The following GRSF1 variants were observed in gnomAD, a reference collection of about 807,000 sequenced individuals.
GRSF1 encodes G-rich sequence factor 1.
GRSF1 carries 50 observed loss-of-function variants against 51.1 expected under a neutral mutation model. That is an observed-to-expected ratio of 0.98 (90% confidence interval 0.78 to 1.24). The LOEUF (loss-of-function observed/expected upper bound fraction) is 1.24, where lower values mean the gene tolerates loss of function less well. GRSF1 is among the 50% of genes most tolerant of loss of function. The probability of loss-of-function intolerance (pLI) is 0.00; values close to 1 mark genes in which losing one functional copy is unlikely to be tolerated. For missense variants in GRSF1, 700 were observed against 639.7 expected, an observed-to-expected ratio of 1.09 and a Z score of -1.02; for synonymous variants, 293 against 253.3, an observed-to-expected ratio of 1.16 and a Z score of -1.49.
Position 70,819,744 on chromosome 4 carries a change from G to A in GRSF1, c.*1143C>T, listed in dbSNP as rs1356067087. On this transcript the variant is annotated 3_prime_UTR_variant, in exon 10 of 10. Coordinates refer to ENST00000254799, the MANE Select transcript of GRSF1 (RefSeq NM_002092.4). ...TGAGAACAGGAACAAGGCAAAGAAA[G>A]CATACAGGATTTTGATTCTCCTACA... 6.6e-6 allele frequency: 1 copy of A among 152,578 alleles called. No homozygotes were observed. Among genetic ancestry groups the A allele is most frequent in the Non-Finnish European group, 1.5e-5 (1 of 68,022 alleles). The allele number at this position is 152,578 out of a possible 1,614,324, so 9.5% of individuals were successfully genotyped here. A position where few individuals can be genotyped will look rare whatever the true frequency, so the allele number is the denominator to read the frequency against.
At position 70,827,882 on chromosome 4, in the gene GRSF1, T is replaced by A; in HGVS notation, c.1105A>T (p.Met369Leu). The part of the protein sequence containing the change: ...EHEVNEDIQP[M>L]TAFESEKEIE... Reference sequence around the variant, plus strand: ...TCCTTCTCACTTTCAAAAGCTGTCATGGGTTGAATATCCTCATTTACTTCA... The same window carrying A: ...TCCTTCTCACTTTCAAAAGCTGTCAAGGGTTGAATATCCTCATTTACTTCA... The change falls in exon 6 of 10, where the codon ATG becomes TTG. Residue 369 changes from methionine to leucine, a missense_variant. Coordinates refer to ENST00000254799, the MANE Select transcript of GRSF1 (RefSeq NM_002092.4). 1 of 1,613,108 alleles carries A rather than the reference T, an allele frequency of 6.2e-7. No individual in the cohort carries two copies. The highest frequency in any genetic ancestry group is 8.5e-7 in the Non-Finnish European group (1 of 1,179,412).
In GRSF1 at chr4:70,819,109, A is replaced by G. The variant is rs1486556029; in HGVS notation, c.*1778T>C. 6.6e-6 allele frequency: 1 copy of G among 152,176 alleles called. No individual in the cohort carries two copies. Among genetic ancestry groups the G allele is most frequent in the Non-Finnish European group, 1.5e-5 (1 of 68,026 alleles). 9.4% of individuals were successfully genotyped at this position (152,176 alleles called of 1,614,324 possible). A position where few individuals can be genotyped will look rare whatever the true frequency, so the allele number is the denominator to read the frequency against. On this transcript the variant is annotated 3_prime_UTR_variant, in exon 10 of 10. Transcript: ENST00000254799. ...CGTGCCAAGAAGATATATCCTTTCA[A>G]CCTTACCCATCCATCATATAGCATT...
At chr4:70,827,088 C>T (rs991652052) in intron 6 of GRSF1, among the ~76,000 whole-genome samples, 9 of 151,928 alleles carry the variant, frequency 5.9e-5, no homozygotes, top group Admixed American at 3.3e-4. Flanking sequence ...AGTAGTTCAA[C>T]GCCAGCCTGG....
chr4:70,842,973 C>T (rs901419614), upstream of GRSF1, among the ~76,000 whole-genome samples: 5 of 152,070 alleles, frequency 3.3e-5, no homozygotes, highest in African/African-American at 1.2e-4. Context: ...CCGGAGCCCA[C>T]AAGGTTGAGG....
In GRSF1 at chr4:70,839,486, C is replaced by G. The variant is rs1330735393; in HGVS notation, c.342G>C (p.Thr114=). The change falls in exon 1 of 10, where the codon ACG becomes ACC. Residue 114 remains threonine (T), a synonymous_variant. Transcript: ENST00000254799. The stretch of plus-strand genomic sequence containing the variant: ...GCCCACGTACCTGGCTGTAGCTGCG[C>G]GTCGGGACGGCGGCCGCCGCCGCCA... The part of the protein sequence containing the change: ...QSLAAAAAVP[T]RSYSQESKTT... 7.0e-7 allele frequency: 1 copy of G among 1,425,998 alleles called. No individual in the cohort carries two copies. Among genetic ancestry groups the G allele is most frequent in the Non-Finnish European group, 9.1e-7 (1 of 1,096,806 alleles). The allele number at this position is 1,425,998 out of a possible 1,614,324, so 88.3% of individuals were successfully genotyped here.
Position 70,839,391 on chromosome 4 carries a change from G to A in GRSF1, c.357+80C>T, listed in dbSNP as rs1021779062. Reference sequence around the variant, plus strand: ...CCGGGCGTGCCCGCGAGGCGCACACGGAGGGACGGAGGGGCGCGGGGGCGC... The same window carrying A: ...CCGGGCGTGCCCGCGAGGCGCACACAGAGGGACGGAGGGGCGCGGGGGCGC... On this transcript the variant is annotated intron_variant, in intron 1 of 9. Coordinates refer to ENST00000254799, the MANE Select transcript of GRSF1 (RefSeq NM_002092.4). 6.0e-6 allele frequency: 9 copies of A among 1,508,088 alleles called. No individual in the cohort carries two copies. In the East Asian group the frequency reaches 2.3e-4, roughly 39 times the overall value. 93.4% of individuals were successfully genotyped at this position (1,508,088 alleles called of 1,614,324 possible). A position where few individuals can be genotyped will look rare whatever the true frequency, so the allele number is the denominator to read the frequency against.
chr4:70,823,430 T>A (rs776729985), intron 9 of GRSF1, among the ~76,000 whole-genome samples: 18 of 148,086 alleles, frequency 1.2e-4, no homozygotes, highest in South Asian at 6.4e-4. Context: ...AAATAAAATT[T>A]AAAAAAAATG....
At position 70,827,981 on chromosome 4, in the gene GRSF1, A is replaced by G. The variant is rs1340919678; in HGVS notation, c.1006T>C (p.Tyr336His). 1 of 1,607,760 alleles carries G rather than the reference A, an allele frequency of 6.2e-7. No individual in the cohort carries two copies. Among genetic ancestry groups the G allele is most frequent in the Non-Finnish European group, 8.5e-7 (1 of 1,174,344 alleles). ...AAAGATGCGATTTTCTTTCCCTTATAAGAACCGACATGTGTTCGAACTTCA... is the reference window on the plus strand; with the variant it reads ...AAAGATGCGATTTTCTTTCCCTTATGAGAACCGACATGTGTTCGAACTTCA... Reference protein sequence around the residue: ...RNEVRTHVGSYKGKKIASFPT... With the variant: ...RNEVRTHVGSHKGKKIASFPT... Residue 336 changes from tyrosine to histidine, a missense_variant, in exon 6 of 10, where the codon TAT (tyrosine) becomes CAT (histidine). Coordinates refer to ENST00000254799, the MANE Select transcript of GRSF1 (RefSeq NM_002092.4).
In GRSF1 at chr4:70,832,147, T is replaced by C. The variant is rs1477883; in HGVS notation, c.814+160A>G. Among the ~76,000 whole-genome samples, 138,550 of 152,114 alleles carry C rather than the reference T, an allele frequency of 0.91. 64,123 individuals are homozygous for C. The highest frequency in any genetic ancestry group is 1 in the East Asian group (5,178 of 5,186). ...CTGCCTGATAGAACAAAAACACATA[T>C]AAAATCTATAAATATTAGAAATTTA... On this transcript the variant is annotated intron_variant, in intron 4 of 9. Transcript: ENST00000254799.
At chr4:70,825,143 T>C (rs181371254) in intron 8 of GRSF1, among the ~76,000 whole-genome samples, 153 bp downstream of exon 8, 4 of 152,162 alleles carry the variant, frequency 2.6e-5, no homozygotes, top group African/African-American at 9.7e-5. Flanking sequence ...TTTTAAATTA[T>C]AATATAGTGT....
intron 4 of GRSF1, among the ~76,000 whole-genome samples, chr4:70,831,875 A>T (rs1222847104): frequency 6.6e-6 from 1 of 151,044 alleles, no homozygotes; most frequent in Non-Finnish European, 1.5e-5. Context: ...GTAAGGTCCA[A>T]GAAGCCCACC....
At chr4:70,826,456 AG>A (rs762901669) in intron 6 of GRSF1, among the ~76,000 whole-genome samples, 1 of 151,900 alleles carries the variant, frequency 6.6e-6, no homozygotes, top group Non-Finnish European at 1.5e-5. Context: ...TTAAGAACTT[AG>A]CCCTTTTTGT....
At chr4:70,842,162 G>A (rs1026090617), upstream of GRSF1, among the ~76,000 whole-genome samples, 3 of 152,210 alleles carry the variant, frequency 2.0e-5, no homozygotes, top group Non-Finnish European at 2.9e-5. Context: ...GCTGAGGTCA[G>A]GCTGGTTTTT....
chr4:70,816,436 A>G lies in GRSF1; in HGVS notation c.*4451T>C, dbSNP rs1488167310. The G allele has an allele frequency of 2.0e-5, 3 of 152,078 alleles. No individual in the cohort carries two copies. The highest frequency in any genetic ancestry group is 2.0e-4 in the Admixed American group (3 of 15,254). The allele number at this position is 152,078 out of a possible 1,614,324, so 9.4% of individuals were successfully genotyped here. On this transcript the variant is annotated 3_prime_UTR_variant, in exon 10 of 10. Coordinates refer to ENST00000254799, the MANE Select transcript of GRSF1 (RefSeq NM_002092.4). The stretch of plus-strand genomic sequence containing the variant: ...TGCAAATCTCCCTCAAAAAAACTCC[A>G]ATGACGGCTGGGTGTGGTGGCTGAT...
intron 1 of GRSF1, chr4:70,839,098 G>C (rs1734347358): frequency 3.9e-6 from 5 of 1,281,060 alleles, no homozygotes; most frequent in Non-Finnish European, 5.1e-6. Flanking sequence ...CGGCGGGCTC[G>C]GGCCTCGCAA....
intron 9 of GRSF1, among the ~76,000 whole-genome samples, chr4:70,823,481 CTTT>C (rs58887177): frequency 2.3e-4 from 31 of 135,866 alleles, no homozygotes; most frequent in Non-Finnish European, 2.3e-4. Context: ...GCAGAATTTT[CTTT>C]TTTTTTTTTT....
chr4:70,831,113 T>TTTGG (rs1733948851), intron 5 of GRSF1, among the ~76,000 whole-genome samples: 1 of 151,870 alleles, frequency 6.6e-6, no homozygotes, highest in Non-Finnish European at 1.5e-5. Context: ...ATCCCAGCAC[T>TTTGG]TTGGGAGGCC....
intron 2 of GRSF1, among the ~76,000 whole-genome samples, chr4:70,835,287 C>A (rs1323569419): frequency 6.6e-6 from 1 of 151,038 alleles, no homozygotes; most frequent in Non-Finnish European, 1.5e-5. Flanking sequence ...ACTAAAAATA[C>A]AAAAAATTAA....
In GRSF1 at chr4:70,836,158, C is replaced by G. The variant is rs1734199214; in HGVS notation, c.514G>C (p.Asp172His). ...TMEDVLNFFSDCRIRNGENGI... is the reference protein window; with the variant it reads ...TMEDVLNFFSHCRIRNGENGI... ...TAAATAAAACATACATAAAATATACCTGAAAAAAAGTTAAGCACATCTTCC... is the reference window on the plus strand; with the variant it reads ...TAAATAAAACATACATAAAATATACGTGAAAAAAAGTTAAGCACATCTTCC... Residue 172 changes from aspartate (D) to histidine (H), a missense_variant and splice_region_variant, in exon 2 of 10, where the codon GAC (aspartate) becomes CAC (histidine). Asp to His is a moderately conservative substitution (Grantham distance 81). Coordinates refer to ENST00000254799, the MANE Select transcript of GRSF1 (RefSeq NM_002092.4). 3 of 1,495,242 alleles carry G rather than the reference C, an allele frequency of 2.0e-6. No individual in the cohort carries two copies. Among genetic ancestry groups the G allele is most frequent in the Non-Finnish European group, 1.8e-6 (2 of 1,120,696 alleles). 92.6% of individuals were successfully genotyped at this position (1,495,242 alleles called of 1,614,324 possible). A position where few individuals can be genotyped will look rare whatever the true frequency, so the allele number is the denominator to read the frequency against.
Sources: allele counts gnomAD v4.1 joint callset (sites outside exome capture counted in the v4.1 genomes callset), GRCh38; gene constraint gnomAD v4.1.1; transcripts MANE v1.5; gene names NCBI Gene and HGNC (gene_info 2026-07-23, HGNC 2026-07-21).